Variants in FGF12 observed in about 807,000 individuals in gnomAD.
The protein encoded by FGF12 is fibroblast growth factor 12, also known as fibroblast growth factor 12B.
A neutral mutation model predicts 23.6 loss-of-function variants in FGF12; 14 were observed. The ratio of observed to expected loss-of-function variants is 0.59; its 90% CI spans 0.39 to 0.93. The LOEUF (loss-of-function observed/expected upper bound fraction) is 0.93, where lower values mean the gene tolerates loss of function less well. Ranked by LOEUF, FGF12 falls within the 40% of genes least tolerant of loss-of-function variation. The pLI, the probability that FGF12 is intolerant of heterozygous loss-of-function variation, is 0.00. For missense variants in FGF12, 175 were observed against 217.8 expected (o/e 0.80, Z 1.24); for synonymous variants, 62 against 77.3 (o/e 0.80, Z 1.04).
intron 4 of FGF12, among the ~76,000 whole-genome samples, chr3:192,209,317 TG>T (rs1028271481): frequency 1.3e-5 from 2 of 152,172 alleles, no homozygotes; most frequent in Non-Finnish European, 2.9e-5. Context: ...CAAGAGGTGA[TG>T]AAAATTATCA....
intron 2 of FGF12, among the ~76,000 whole-genome samples, chr3:192,670,089 A>AT (rs1717054482): frequency 6.6e-6 from 1 of 152,198 alleles, no homozygotes. Flanking sequence ...ACTATATCCC[A>AT]TACGAGGCTG....
At chr3:192,312,866 G>C (rs1486422739) in intron 4 of FGF12, among the ~76,000 whole-genome samples, 1 of 151,974 alleles carries the variant, frequency 6.6e-6, no homozygotes, top group Non-Finnish European at 1.5e-5. Context: ...TATAGTGTTT[G>C]CCTTTGTCTT....
In FGF12 at chr3:192,409,959, C is replaced by T. The variant is rs1721139335; in HGVS notation, c.14-49421G>A. ...GGGAGGGGGCGCTCAGGGTGGAGTC[C>T]CATTCATGGGCTGAGGCTCTGGGCG... On this transcript the variant is annotated intron_variant, in intron 2 of 5. Transcript: ENST00000445105. This position sits in a 1 kb window ranked among gnomAD's most constrained non-coding sequence, Gnocchi z 4.8. Among the ~76,000 whole-genome samples, 1 of 151,826 alleles carries T rather than the reference C, an allele frequency of 6.6e-6. No homozygotes were observed. The highest frequency in any genetic ancestry group is 6.6e-5 in the Admixed American group (1 of 15,246).
At chr3:192,349,311 C>G (rs1251803461) in intron 3 of FGF12, among the ~76,000 whole-genome samples, 1 of 152,080 alleles carries the variant, frequency 6.6e-6, no homozygotes, top group Non-Finnish European at 1.5e-5. Context: ...ACTCTCACTT[C>G]AGAGCCTCAA....
chr3:192,158,723 TCTC>T (rs1714697648), intron 5 of FGF12, among the ~76,000 whole-genome samples: 2 of 134,330 alleles, frequency 1.5e-5, no homozygotes, highest in South Asian at 5.3e-4. Flanking sequence ...CTTCTCCCTC[TCTC>T]CTTCTTATTC....
At chr3:192,157,182 G>A (rs1346508542) in intron 5 of FGF12, among the ~76,000 whole-genome samples, 1 of 152,204 alleles carries the variant, frequency 6.6e-6, no homozygotes, top group African/African-American at 2.4e-5. Context: ...GCACTTGTGA[G>A]ATAGACAGTA....
chr3:192,588,305 G>C (rs1163727207), intron 2 of FGF12, among the ~76,000 whole-genome samples: 4 of 133,444 alleles, frequency 3.0e-5, no homozygotes, highest in African/African-American at 1.1e-4. Context: ...AGCCGAGATC[G>C]CGCCACTGCA....
chr3:192,248,524 T>C (rs1711788422), intron 4 of FGF12, among the ~76,000 whole-genome samples: 1 of 152,212 alleles, frequency 6.6e-6, no homozygotes, highest in Non-Finnish European at 1.5e-5. Flanking sequence ...AGTTTCCCTT[T>C]AATTATTTGT....
At chr3:192,425,524 T>C (rs1285833929) in intron 2 of FGF12, among the ~76,000 whole-genome samples, 1 of 152,242 alleles carries the variant, frequency 6.6e-6, no homozygotes, top group Non-Finnish European at 1.5e-5. Flanking sequence ...ATGTGTCTAC[T>C]ATCATTTCTC....
intron 2 of FGF12, among the ~76,000 whole-genome samples, chr3:192,567,344 A>T (rs1199414558): frequency 6.6e-6 from 1 of 152,052 alleles, no homozygotes; most frequent in Non-Finnish European, 1.5e-5. Flanking sequence ...TCCTCACCGA[A>T]GTTGGAGAAA....
At chr3:192,634,812 T>C (rs2108659283) in intron 2 of FGF12, among the ~76,000 whole-genome samples, 2 of 152,280 alleles carry the variant, frequency 1.3e-5, no homozygotes, top group East Asian at 3.9e-4. Context: ...TGTGAGTGTT[T>C]AAAAAGAATA....
intron 2 of FGF12, among the ~76,000 whole-genome samples, chr3:192,422,159 T>C (rs1340364273): frequency 6.6e-6 from 1 of 152,132 alleles, no homozygotes; most frequent in Non-Finnish European, 1.5e-5. Flanking sequence ...GATAATTCTA[T>C]AGTGAGGAGA....
At chr3:192,160,269 G>T (rs182699454) in intron 5 of FGF12, among the ~76,000 whole-genome samples, 33 of 152,168 alleles carry the variant, frequency 2.2e-4, no homozygotes, top group African/African-American at 7.7e-4. Context: ...AAGTCCTGAA[G>T]GTGGTTACAA....
intron 2 of FGF12, among the ~76,000 whole-genome samples, chr3:192,681,529 T>C (rs989545420): frequency 1.3e-5 from 2 of 152,336 alleles, no homozygotes; most frequent in South Asian, 4.1e-4. Context: ...TAGATGATAG[T>C]GGCTAGATTG....
chr3:192,659,010 A>T (rs954373992), intron 2 of FGF12, among the ~76,000 whole-genome samples: 1 of 152,202 alleles, frequency 6.6e-6, no homozygotes, highest in Non-Finnish European at 1.5e-5. Context: ...CTGCTTCCCT[A>T]TGTGCCTTGA....
chr3:192,211,133 T>A (rs1253051410), intron 4 of FGF12, among the ~76,000 whole-genome samples: 1 of 152,160 alleles, frequency 6.6e-6, no homozygotes, highest in Non-Finnish European at 1.5e-5. Flanking sequence ...GGAGAAGGAC[T>A]GAAAGCTTGG....
chr3:192,258,723 G>A (rs1298423795), intron 4 of FGF12, among the ~76,000 whole-genome samples: 1 of 151,906 alleles, frequency 6.6e-6, no homozygotes, highest in Non-Finnish European at 1.5e-5. Flanking sequence ...AACACAAATG[G>A]GCAGATTGAT....
Position 192,157,419 on chromosome 3 carries a change from G to T in FGF12, c.427+13039C>A, listed in dbSNP as rs1342410561. ...GTGAAAAATTTACACTTTTAGAAAA[G>T]AGAAATGTGAAATATATATCACTGA... On this transcript the variant is annotated intron_variant, in intron 5 of 5. Coordinates refer to ENST00000445105, the MANE Select transcript of FGF12 (RefSeq NM_004113.6). Among the ~76,000 whole-genome samples, 3 of 152,290 alleles carry T rather than the reference G, an allele frequency of 2.0e-5. No individual in the cohort carries two copies. The East Asian group carries it at 5.8e-4, about 29-fold the overall frequency.
intron 5 of FGF12, among the ~76,000 whole-genome samples, chr3:192,167,752 TATATATATATATATATAA>T (rs1577195762): frequency 3.6e-5 from 1 of 27,524 alleles, no homozygotes; most frequent in South Asian, 1.7e-3. Context: ...TATATATATA[TATATATATATATATATAA>T]AATTTTTTTT....
Sources: gnomAD v4.1 joint callset for allele counts (sites outside exome capture counted in the v4.1 genomes callset) on GRCh38, gnomAD v4.1.1 for gene constraint, Gnocchi (gnomAD v3.1) non-coding constraint, MANE v1.5 for transcripts, NCBI Gene and HGNC (gene_info 2026-07-23, HGNC 2026-07-21) for gene names.